N4BP2: variants seen among roughly 807,000 people sequenced by gnomAD.
N4BP2 encodes the protein NEDD4 binding protein 2.
In N4BP2, 91 loss-of-function variants were observed where a neutral mutation model predicts 152.8. The ratio of observed to expected loss-of-function variants is 0.60; its 90% CI spans 0.50 to 0.71. The LOEUF (loss-of-function observed/expected upper bound fraction) is 0.71, where lower values mean the gene tolerates loss of function less well. N4BP2 is among the 30% of genes least tolerant of loss of function. N4BP2 has a pLI of 0.00. For synonymous variants in N4BP2, 646 were observed against 705.3 expected (o/e 0.92, Z 1.33); for missense variants, 1,923 against 2,059.1 (o/e 0.93, Z 1.28).
chr4:40,173,636 A>G, the N4BP2 span, among the ~76,000 whole-genome samples: 1 of 152,222 alleles, frequency 6.6e-6, no homozygotes, highest in Non-Finnish European at 1.5e-5. Context: ...TTCCTTGTAA[A>G]GTGAGCCTGA....
downstream of N4BP2, among the ~76,000 whole-genome samples, chr4:40,160,294 C>G (rs1721823992): frequency 6.6e-6 from 1 of 152,198 alleles, no homozygotes; most frequent in Non-Finnish European, 1.5e-5. Context: ...GATATATGTA[C>G]AGATGGTCTC....
intron 2 of N4BP2, among the ~76,000 whole-genome samples, chr4:40,078,531 CT>C (rs961082223): frequency 1.4e-5 from 2 of 144,598 alleles, no homozygotes; most frequent in African/African-American, 5.1e-5. Flanking sequence ...TTTTTTTTTA[CT>C]TTTTTTCTTT....
At chr4:40,111,020 G>A (rs1716827599) in intron 5 of N4BP2, among the ~76,000 whole-genome samples, 1 of 152,064 alleles carries the variant, frequency 6.6e-6, no homozygotes, top group Non-Finnish European at 1.5e-5. Flanking sequence ...GTGCAATGGT[G>A]TATTATAATG....
intron 3 of N4BP2, among the ~76,000 whole-genome samples, chr4:40,097,984 A>G (rs918913998): frequency 6.6e-6 from 1 of 152,206 alleles, no homozygotes; most frequent in Non-Finnish European, 1.5e-5. Flanking sequence ...ACAATAAAAA[A>G]TGTCTCCATG....
At chr4:40,188,371 G>A in the N4BP2 span, among the ~76,000 whole-genome samples, 3 of 152,206 alleles carry the variant, frequency 2.0e-5, no homozygotes, top group Non-Finnish European at 2.9e-5. Flanking sequence ...CTGTGCCTCA[G>A]TTTCCTCCTT....
At chr4:40,068,943 A>G (rs1317656645) in intron 1 of N4BP2, among the ~76,000 whole-genome samples, 1 of 151,818 alleles carries the variant, frequency 6.6e-6, no homozygotes, top group Non-Finnish European at 1.5e-5. Context: ...ACATGGTGAA[A>G]CCCCTGTCTC....
chr4:40,152,376 TGTG>T (rs1721222009), intron 16 of N4BP2, among the ~76,000 whole-genome samples: 1 of 152,204 alleles, frequency 6.6e-6, no homozygotes. Context: ...ACAGGGTTGT[TGTG>T]AAGATTCTTA....
intron 14 of N4BP2, chr4:40,142,240 C>A: frequency 3.4e-6 from 1 of 293,152 alleles, no homozygotes. Context: ...TTTCAAAACT[C>A]AGACCACCAA....
intron 10 of N4BP2, among the ~76,000 whole-genome samples, chr4:40,123,944 A>G (rs1579083636): frequency 6.6e-6 from 1 of 152,040 alleles, no homozygotes; most frequent in East Asian, 1.9e-4. Flanking sequence ...TTTTAAATGC[A>G]GTATTTTTAC....
At chr4:40,182,687 T>C in the N4BP2 span, among the ~76,000 whole-genome samples, 10 of 151,800 alleles carry the variant, frequency 6.6e-5, no homozygotes, top group South Asian at 1.2e-3. Context: ...TATATACATA[T>C]GTATAGAGAG....
chr4:40,119,708 A>G (rs1717675833), intron 8 of N4BP2, among the ~76,000 whole-genome samples: 1 of 152,202 alleles, frequency 6.6e-6, no homozygotes. Context: ...TGAGTGCTTC[A>G]TATATGCCAA....
In N4BP2 at chr4:40,120,263, A is replaced by G. The variant is rs372274767; in HGVS notation, c.2152A>G (p.Ser718Gly). 6.2e-7 allele frequency: 1 copy of G among 1,613,906 alleles called. No individual in the cohort carries two copies. Residue 718 changes from serine (S) to glycine (G), a missense_variant, in exon 9 of 18, where the codon AGT becomes GGT. Transcript: ENST00000261435. The stretch of plus-strand genomic sequence containing the variant: ...AGGGTATAGTAAAACTGACACAGAT[A>G]GTTCTATGGAGAGAGTATCACCTAG... Reference protein sequence around the residue: ...VKGYSKTDTDSSMERVSPSTC... With the variant: ...VKGYSKTDTDGSMERVSPSTC...
At chr4:40,113,379 T>C in intron 6 of N4BP2, 53 bp from the exon 7 acceptor site, 1 of 1,296,874 alleles carries the variant, frequency 7.7e-7, no homozygotes, top group Non-Finnish European at 1.1e-6. Context: ...AACAATAATT[T>C]TAATTTCTTG....
intron 1 of N4BP2, among the ~76,000 whole-genome samples, chr4:40,057,748 C>T (rs1484511773): frequency 6.7e-6 from 1 of 149,828 alleles, no homozygotes. Context: ...CACAGTTTAT[C>T]TCTCATGCGC....
intron 7 of N4BP2, among the ~76,000 whole-genome samples, chr4:40,117,051 GT>G (rs1717408078): frequency 6.6e-6 from 1 of 152,090 alleles, no homozygotes; most frequent in African/African-American, 2.4e-5. Flanking sequence ...TATGTTTCTA[GT>G]TATGGATTTC....
rs11945867 is a variant in N4BP2 at position 40,073,852 on chromosome 4, G to A, written c.-115+301G>A. On this transcript the variant is annotated intron_variant, in intron 2 of 17. Coordinates refer to ENST00000261435, the MANE Select transcript of N4BP2 (RefSeq NM_018177.6). The stretch of plus-strand genomic sequence containing the variant: ...TTGTTGCCCAGGCTGTAGTGCAATG[G>A]CATGATCTCAGCTCACTGCAACCTC... Among the ~76,000 whole-genome samples, 759 of 152,146 alleles carry A rather than the reference G, an allele frequency of 5.0e-3. 9 individuals carry two copies. Among genetic ancestry groups the A allele is most frequent in the African/African-American group, 0.017 (726 of 41,510 alleles).
intron 16 of N4BP2, among the ~76,000 whole-genome samples, chr4:40,147,586 C>A (rs1397968503): frequency 6.8e-6 from 1 of 147,852 alleles, no homozygotes; most frequent in Non-Finnish European, 1.5e-5. Flanking sequence ...CGGGTGGGGG[C>A]TGACCCCCCC....
At chr4:40,114,858 C>A (rs1291163581) in intron 7 of N4BP2, among the ~76,000 whole-genome samples, 1 of 152,080 alleles carries the variant, frequency 6.6e-6, no homozygotes, top group African/African-American at 2.4e-5. Context: ...GCAACGTTTC[C>A]AAATTTATTA....
chr4:40,165,569 G>C, the N4BP2 span, among the ~76,000 whole-genome samples: 1 of 152,112 alleles, frequency 6.6e-6, no homozygotes, highest in East Asian at 1.9e-4. Flanking sequence ...AAGAAGCAAG[G>C]TGCAAAAGGG....
Sources: allele counts gnomAD v4.1 joint callset (sites outside exome capture counted in the v4.1 genomes callset), GRCh38; gene constraint gnomAD v4.1.1; transcripts MANE v1.5; gene names NCBI Gene and HGNC (gene_info 2026-07-23, HGNC 2026-07-21).